Variants in NYAP2 observed in about 807,000 individuals in gnomAD.
NYAP2 encodes the protein neuronal tyrosine-phosphorylated phosphoinositide-3-kinase adaptor 2, also known as neuronal tyrosine-phosphorylated phosphoinositide-3-kinase adapter 2.
In NYAP2, 23 loss-of-function variants were observed where a neutral mutation model predicts 50.4. The ratio of observed to expected loss-of-function variants is 0.46; its 90% confidence interval spans 0.33 to 0.65. The LOEUF (loss-of-function observed/expected upper bound fraction) is 0.65, where lower values mean the gene tolerates loss of function less well. NYAP2 is among the 30% of genes least tolerant of loss of function. The pLI, the probability that NYAP2 is intolerant of heterozygous loss-of-function variation, is 0.02. For missense variants in NYAP2, 885 were observed against 861.0 expected, an observed-to-expected ratio of 1.03 and a Z score of -0.35; for synonymous variants, 394 against 365.2, an observed-to-expected ratio of 1.08 and a Z score of -0.90.
the NYAP2 span, among the ~76,000 whole-genome samples, chr2:225,694,065 T>C: frequency 6.6e-6 from 1 of 152,120 alleles, no homozygotes; most frequent in Non-Finnish European, 1.5e-5. Context: ...ATTGAACAAC[T>C]GTCCTACAGT....
chr2:225,692,269 T>A, the NYAP2 span, among the ~76,000 whole-genome samples: 1 of 152,150 alleles, frequency 6.6e-6, no homozygotes, highest in Non-Finnish European at 1.5e-5. Context: ...TTCAGAGTAT[T>A]TTCTTTTCTC....
rs112700820 is a variant in NYAP2, at chr2:225,589,516, A to AAAATATATATATATATATATAT, written c.1618+6482_1618+6483insAATATATATATATATATATATA. On this transcript the variant is annotated intron_variant, in intron 5 of 6. Coordinates refer to ENST00000636099, the Ensembl canonical transcript of NYAP2. ...AAGACTATATCTCTACTAAAAGTAA[A>AAAATATATATATATATATATAT]ATATATATATATATATATATATATA... Among the ~76,000 whole-genome samples the AAAATATATATATATATATATAT allele has an allele frequency of 9.0e-4, 64 of 71,314 alleles. 2 individuals carry two copies. Among genetic ancestry groups the AAAATATATATATATATATATAT allele is most frequent in the South Asian group, 4.8e-3 (9 of 1,856 alleles). 46.8% of individuals were successfully genotyped at this position (71,314 alleles called of 152,430 possible).
At chr2:225,695,915 A>G in the NYAP2 span, among the ~76,000 whole-genome samples, 1 of 151,724 alleles carries the variant, frequency 6.6e-6, no homozygotes, top group African/African-American at 2.4e-5. Context: ...TTTTCAAGGA[A>G]CTCTCTATCA....
chr2:225,426,673 T>C (rs774781898), intron 3 of NYAP2, among the ~76,000 whole-genome samples: 25 of 152,228 alleles, frequency 1.6e-4, no homozygotes, highest in Non-Finnish European at 3.2e-4. Context: ...ACGATTCTTT[T>C]GGCTTGCATA....
chr2:225,540,401 T>C (rs1691438331), intron 4 of NYAP2, among the ~76,000 whole-genome samples: 1 of 152,184 alleles, frequency 6.6e-6, no homozygotes. Context: ...CTCACAATCA[T>C]GGTGGAAGGT....
intron 4 of NYAP2, among the ~76,000 whole-genome samples, chr2:225,550,303 C>CT (rs3050141): frequency 0.62 from 93,939 of 151,276 alleles, 31,118 homozygotes; most frequent in South Asian, 0.85. Context: ...TATAACCATT[C>CT]TTTTTTTTTC....
chr2:225,449,601 CTT>C lies in NYAP2; in HGVS notation c.221+40524_221+40525del, dbSNP rs201552006. Among the ~76,000 whole-genome samples, 656 of 96,230 alleles carry C rather than the reference CTT, an allele frequency of 6.8e-3. 1 individual carries two copies. The highest frequency in any genetic ancestry group is 0.026 in the African/African-American group (591 of 22,758). The allele number at this position is 96,230 out of a possible 152,430, so 63.1% of individuals were successfully genotyped here. On this transcript the variant is annotated intron_variant, in intron 3 of 6. Transcript: ENST00000636099. ...ACCAGATCTCTCTCTCTCTCTTTCT[CTT>C]TTTTTTTTTTTTTTTTTTTTTTTGA...
chr2:225,646,197 G>A (rs1419625867), intron 6 of NYAP2, among the ~76,000 whole-genome samples: 1 of 152,138 alleles, frequency 6.6e-6, no homozygotes, highest in Non-Finnish European at 1.5e-5. Flanking sequence ...GGTTAGGAAT[G>A]ATGTGAAACT....
intron 5 of NYAP2, among the ~76,000 whole-genome samples, chr2:225,611,654 T>C (rs1006747606): frequency 1.3e-5 from 2 of 152,058 alleles, no homozygotes; most frequent in African/African-American, 4.8e-5. Flanking sequence ...TTCTTGTAGC[T>C]CTTATCAGAG....
chr2:225,483,613 C>G (rs1191738419), intron 3 of NYAP2, among the ~76,000 whole-genome samples: 2 of 152,122 alleles, frequency 1.3e-5, no homozygotes, highest in Admixed American at 1.3e-4. Flanking sequence ...AAAATAATAG[C>G]ATGAGTAATA....
intron 5 of NYAP2, among the ~76,000 whole-genome samples, chr2:225,590,674 C>T (rs1692484807): frequency 6.6e-6 from 1 of 152,144 alleles, no homozygotes; most frequent in African/African-American, 2.4e-5. Context: ...GGAAGAGAGA[C>T]AGGAGAAAGT....
chr2:225,520,511 A>T (rs1231264495), intron 4 of NYAP2, among the ~76,000 whole-genome samples: 2 of 152,198 alleles, frequency 1.3e-5, no homozygotes, highest in Admixed American at 1.3e-4. Flanking sequence ...TTTTCCTGGC[A>T]CCATTTATTA....
At chr2:225,518,368 G>A (rs1690972980) in intron 4 of NYAP2, among the ~76,000 whole-genome samples, 1 of 150,790 alleles carries the variant, frequency 6.6e-6, no homozygotes, top group African/African-American at 2.4e-5. Context: ...GTGGGTGAAA[G>A]TATTGGTCAA....
intron 5 of NYAP2, among the ~76,000 whole-genome samples, chr2:225,612,366 T>C (rs1364875093): frequency 2.0e-5 from 3 of 151,878 alleles, no homozygotes; most frequent in Admixed American, 1.3e-4. Flanking sequence ...AAGTGAACCC[T>C]CTCTGGAAAG....
intron 4 of NYAP2, among the ~76,000 whole-genome samples, chr2:225,520,688 G>A (rs2106190792): frequency 6.6e-6 from 1 of 152,300 alleles, no homozygotes; most frequent in African/African-American, 2.4e-5. Context: ...TTGTAGTATA[G>A]TTTGAAATCA....
intron 4 of NYAP2, among the ~76,000 whole-genome samples, chr2:225,581,278 A>G (rs967120767): frequency 3.3e-5 from 5 of 152,150 alleles, no homozygotes; most frequent in South Asian, 2.1e-4. Flanking sequence ...ATCATAAGAG[A>G]TCTTAAGAAC....
At chr2:225,669,114 G>T in the NYAP2 span, among the ~76,000 whole-genome samples, 11 of 151,916 alleles carry the variant, frequency 7.2e-5, no homozygotes, top group Non-Finnish European at 8.8e-5. Flanking sequence ...TTACAGTGAG[G>T]TTTCAGGCAG....
At chr2:225,629,499 G>A (rs953208775) in intron 6 of NYAP2, among the ~76,000 whole-genome samples, 7 of 152,188 alleles carry the variant, frequency 4.6e-5, no homozygotes, top group Non-Finnish European at 8.8e-5. Flanking sequence ...AATACTATGG[G>A]AAACAGAAGA....
chr2:225,616,986 A>G (rs537746158), intron 5 of NYAP2, among the ~76,000 whole-genome samples: 7 of 152,296 alleles, frequency 4.6e-5, no homozygotes, highest in African/African-American at 1.7e-4. Context: ...GATCCTGTTG[A>G]TTATGCCAAT....
Sources: allele counts gnomAD v4.1 joint callset (sites outside exome capture counted in the v4.1 genomes callset), GRCh38; gene constraint gnomAD v4.1.1; transcripts MANE v1.5; gene names NCBI Gene and HGNC (gene_info 2026-07-23, HGNC 2026-07-21).